The following ZNF552 variants were observed in gnomAD, a reference collection of about 807,000 sequenced individuals.
The protein encoded by ZNF552 is zinc finger protein 552.
In ZNF552, 2 loss-of-function variants were observed where a neutral mutation model predicts 7.2. The ratio of observed to expected loss-of-function variants is 0.28; its 90% CI spans 0.11 to 0.88. ZNF552 has a LOEUF of 0.88. ZNF552 is among the 40% of genes least tolerant of loss of function. ZNF552 has a pLI of 0.60. For missense variants in ZNF552, 421 were observed against 493.4 expected (o/e 0.85, Z 1.39); for synonymous variants, 173 against 176.5 (o/e 0.98, Z 0.16).
Position 57,808,437 on chromosome 19 carries a change from A to C in ZNF552, c.827T>G (p.Leu276Ter). ...AAGGAGGTGGGACTTACTGTTAAATAATTTCCCACATATCCCACACGTATA... is the reference window on the plus strand; with the variant it reads ...AAGGAGGTGGGACTTACTGTTAAATCATTTCCCACATATCCCACACGTATA... Reference protein sequence around the residue: ...KPYTCGICGKLFNSKSHLLVH... With the variant: ...KPYTCGICGK The change falls in exon 3 of 3, where the codon TTA becomes TGA. Residue 276 changes from leucine to a stop codon, truncating the protein, a stop_gained. Coordinates refer to ENST00000391701, the MANE Select transcript of ZNF552 (RefSeq NM_024762.3). LOFTEE classifies it low-confidence loss of function (END_TRUNC). 2 of 1,613,888 alleles carry C rather than the reference A, an allele frequency of 1.2e-6. No individual in the cohort carries two copies. Among genetic ancestry groups the C allele is most frequent in the Non-Finnish European group, 1.7e-6 (2 of 1,179,926 alleles).
intron 2 of ZNF552, among the ~76,000 whole-genome samples, chr19:57,812,763 T>C (rs1987881344): frequency 6.6e-6 from 1 of 152,114 alleles, no homozygotes; most frequent in Non-Finnish European, 1.5e-5. Context: ...GAGATGGGGT[T>C]TCACCATGTC....
chr19:57,814,057 G>C (rs1054083780), intron 1 of ZNF552, among the ~76,000 whole-genome samples: 1 of 151,998 alleles, frequency 6.6e-6, no homozygotes, highest in South Asian at 2.1e-4. Flanking sequence ...TCTTGTATGC[G>C]TTCCTTAAAT....
At position 57,808,803 on chromosome 19, in the gene ZNF552, G is replaced by A. The variant is rs768627383; in HGVS notation, c.461C>T (p.Ala154Val). 3 of 1,614,020 alleles carry A rather than the reference G, an allele frequency of 1.9e-6. No homozygotes were observed. Among genetic ancestry groups the A allele is most frequent in the South Asian group, 1.1e-5 (1 of 91,078 alleles). Residue 154 changes from alanine (A) to valine (V), a missense_variant, in exon 3 of 3, where the codon GCG becomes GTG. This residue lies in a region of ZNF552 where 122 missense variants were observed against 199.7 expected (regional missense o/e 0.61). Coordinates refer to ENST00000391701, the MANE Select transcript of ZNF552 (RefSeq NM_024762.3). ...EKPYRGSVEEALFAKRCKLHV... is the reference protein window; with the variant it reads ...EKPYRGSVEEVLFAKRCKLHV... ...CAACTTACACCTCTTCGCAAACAAC[G>A]CCTCCTCAACACTCCCTCTGTAGGG...
In ZNF552 at chr19:57,808,765, C is replaced by T; in HGVS notation, c.499G>A (p.Glu167Lys). 3.7e-6 allele frequency: 6 copies of T among 1,614,192 alleles called. No individual in the cohort carries two copies. Among genetic ancestry groups the T allele is most frequent in the Non-Finnish European group, 5.1e-6 (6 of 1,180,052 alleles). The change falls in exon 3 of 3, where the codon GAG becomes AAG. Residue 167 changes from glutamate (E) to lysine (K), a missense_variant. Physicochemically the swap from Glu to Lys is moderately conservative, Grantham distance 56 (BLOSUM62 1). Around this residue, in one of 2 missense-constraint regions of ZNF552, gnomAD observed 299 missense variants for 293.7 expected, o/e 1.02. Coordinates refer to ENST00000391701, the MANE Select transcript of ZNF552 (RefSeq NM_024762.3). ...CCACTCTCACTGAAGACAGATGACT[C>T]CCCTGACACATGCAACTTACACCTC... Reference protein sequence around the residue: ...AKRCKLHVSGESSVFSESGKD... With the variant: ...AKRCKLHVSGKSSVFSESGKD...
intron 2 of ZNF552, chr19:57,812,985 A>C (rs1987884681): frequency 4.6e-6 from 2 of 432,596 alleles, no homozygotes; most frequent in East Asian, 7.3e-5. Context: ...TAACAGGTAG[A>C]GGAATGAATT....
At chr19:57,813,066 G>A in intron 2 of ZNF552, 2 of 605,846 alleles carry the variant, frequency 3.3e-6, no homozygotes, top group Non-Finnish European at 5.3e-6. Flanking sequence ...CCTGCATTAA[G>A]TTGCCTGTAA....
Position 57,814,016 on chromosome 19 carries a change from G to A in ZNF552, c.34-596C>T, listed in dbSNP as rs1230895555. ...CCCAAAGTGCTGGGATTACAGGAGTGAGCCACTGCACCCGGCCCCACCCTC... is the reference window on the plus strand; with the variant it reads ...CCCAAAGTGCTGGGATTACAGGAGTAAGCCACTGCACCCGGCCCCACCCTC... On this transcript the variant is annotated intron_variant, in intron 1 of 2. Coordinates refer to ENST00000391701, the MANE Select transcript of ZNF552 (RefSeq NM_024762.3). 3.9e-5 allele frequency among the ~76,000 whole-genome samples: 6 copies of A among 151,904 alleles called. 1 individual carries two copies. The East Asian group carries it at 7.7e-4, about 20-fold the overall frequency.
chr19:57,812,416 C>T (rs72490768), intron 2 of ZNF552, among the ~76,000 whole-genome samples: 18,103 of 151,984 alleles, frequency 0.12, 1,381 homozygotes, highest in East Asian at 0.35. Context: ...TCATTTGCAT[C>T]TTCTGACCAC....
In ZNF552 at chr19:57,808,819, C is replaced by T; in HGVS notation, c.445G>A (p.Gly149Arg). Reference protein sequence around the residue: ...NEHIGEKPYRGSVEEALFAKR... With the variant: ...NEHIGEKPYRRSVEEALFAKR... ...GCAAACAACGCCTCCTCAACACTCC[C>T]TCTGTAGGGTTTCTCTCCAATGTGC... Residue 149 changes from glycine (G) to arginine (R), a missense_variant, in exon 3 of 3, where the codon GGG becomes AGG. Physicochemically the swap from Gly to Arg is moderately radical, Grantham distance 125. Around this residue, in one of 2 missense-constraint regions of ZNF552, gnomAD observed 122 missense variants for 199.7 expected, o/e 0.61. Transcript: ENST00000391701. 2 of 1,614,144 alleles carry T rather than the reference C, an allele frequency of 1.2e-6. No individual in the cohort carries two copies. Among genetic ancestry groups the T allele is most frequent in the African/African-American group, 1.3e-5 (1 of 75,030 alleles).
chr19:57,814,048 C>A (rs936880267), intron 1 of ZNF552, among the ~76,000 whole-genome samples: 3 of 152,084 alleles, frequency 2.0e-5, no homozygotes, highest in Non-Finnish European at 4.4e-5. Context: ...CCTCCACTTT[C>A]TTGTATGCGT....
intron 2 of ZNF552, among the ~76,000 whole-genome samples, chr19:57,811,732 A>AC (rs1178617809): frequency 5.9e-4 from 89 of 150,394 alleles, no homozygotes; most frequent in Non-Finnish European, 1.1e-3. Context: ...AAAAAAAAAA[A>AC]AAAAAACAAT....
chr19:57,810,994 T>C (rs2122143641), intron 2 of ZNF552, among the ~76,000 whole-genome samples: 1 of 152,260 alleles, frequency 6.6e-6, no homozygotes, highest in East Asian at 1.9e-4. Flanking sequence ...GCAGAGACAT[T>C]TGTTCACATG....
chr19:57,813,917 AT>A (rs1987906334), intron 1 of ZNF552, among the ~76,000 whole-genome samples: 1 of 151,350 alleles, frequency 6.6e-6, no homozygotes, highest in Non-Finnish European at 1.5e-5. Flanking sequence ...CTAATTTTGT[AT>A]TTTTAGTAGA....
In ZNF552 at chr19:57,808,365, A is replaced by G; in HGVS notation, c.899T>C (p.Val300Ala). 6.2e-7 allele frequency: 1 copy of G among 1,612,650 alleles called. No homozygotes were observed. Among genetic ancestry groups the G allele is most frequent in the Non-Finnish European group, 8.5e-7 (1 of 1,179,122 alleles). Reference protein sequence around the residue: ...HTGEKPYECEVCQKFFRHKYH... With the variant: ...HTGEKPYECEACQKFFRHKYH... ...CTTGTGCCTAAAAAATTTCTGACAA[A>G]CCTCACACTCATATGGCTTCTCTCC... Residue 300 changes from valine (V) to alanine (A), a missense_variant, in exon 3 of 3, where the codon GTT becomes GCT. This residue lies in a region of ZNF552 where 299 missense variants were observed against 293.7 expected (regional missense o/e 1.02). Transcript: ENST00000391701.
In ZNF552 at chr19:57,807,538, G is replaced by A. The variant is rs1371813949; in HGVS notation, c.*502C>T. ...CCACTGTACTCCAGCCTGGGTGACA[G>A]AGCGAGGCTGTCTCAAAAAAAAGAA... is the stretch of plus-strand genomic sequence containing the variant. On this transcript the variant is annotated 3_prime_UTR_variant, in exon 3 of 3. Transcript: ENST00000391701. The A allele has an allele frequency of 1.3e-5, 2 of 154,424 alleles. No homozygotes were observed. 9.6% of individuals were successfully genotyped at this position (154,424 alleles called of 1,614,324 possible). A position where few individuals can be genotyped will look rare whatever the true frequency, so the allele number is the denominator to read the frequency against.
chr19:57,813,971 G>A (rs1475775828), intron 1 of ZNF552, among the ~76,000 whole-genome samples: 1 of 109,374 alleles, frequency 9.1e-6, no homozygotes, highest in Non-Finnish European at 1.9e-5. Flanking sequence ...CTCTACCTCC[G>A]GACCAACCCG....
At chr19:57,811,637 G>A (rs1446860461) in intron 2 of ZNF552, among the ~76,000 whole-genome samples, 1 of 147,676 alleles carries the variant, frequency 6.8e-6, no homozygotes, top group Non-Finnish European at 1.5e-5. Flanking sequence ...AATTGCTTGG[G>A]CCTGGGAGAC....
Position 57,808,623 on chromosome 19 carries a change from C to T in ZNF552, c.641G>A (p.Cys214Tyr). 2 of 1,614,198 alleles carry T rather than the reference C, an allele frequency of 1.2e-6. No homozygotes were observed. The highest frequency in any genetic ancestry group is 1.7e-6 in the Non-Finnish European group (2 of 1,180,038). The change falls in exon 3 of 3, where the codon TGT becomes TAT. Residue 214 changes from cysteine (C) to tyrosine (Y), a missense_variant. This residue lies in a region of ZNF552 where 299 missense variants were observed against 293.7 expected (regional missense o/e 1.02). Transcript: ENST00000391701. ...LFHGGKSHYSCGGCMKHFSTK... is the reference protein window; with the variant it reads ...LFHGGKSHYSYGGCMKHFSTK... Reference sequence around the variant, plus strand: ...GCTAAAATGTTTCATGCATCCTCCACAGCTGTAATGGCTTTTTCCCCCATG... The same window carrying T: ...GCTAAAATGTTTCATGCATCCTCCATAGCTGTAATGGCTTTTTCCCCCATG...
chr19:57,814,246 T>A (rs953827548), intron 1 of ZNF552, among the ~76,000 whole-genome samples: 5 of 152,092 alleles, frequency 3.3e-5, no homozygotes, highest in Non-Finnish European at 7.3e-5. Flanking sequence ...ACCTATATGA[T>A]CTACAAGGAT....
Sources: allele counts gnomAD v4.1 joint callset (sites outside exome capture counted in the v4.1 genomes callset), GRCh38; gene constraint gnomAD v4.1.1; regional missense constraint gnomAD v4.1.1; transcripts MANE v1.5; gene names NCBI Gene and HGNC (gene_info 2026-07-23, HGNC 2026-07-21).